CRACD: variants seen among roughly 807,000 people sequenced by gnomAD.
CRACD encodes the protein capping protein inhibiting regulator of actin dynamics.
Under a neutral mutation model 106.8 loss-of-function variants are expected in CRACD, and 56 were observed. The ratio of observed to expected loss-of-function variants is 0.52; its 90% CI spans 0.42 to 0.66. CRACD has a LOEUF of 0.66. CRACD is among the 30% of genes least tolerant of loss of function. CRACD has a pLI of 0.00. For missense variants in CRACD, 1,730 were observed against 1,623.2 expected, an observed-to-expected ratio of 1.07 and a Z score of -1.13; for synonymous variants, 754 against 670.8, an observed-to-expected ratio of 1.12 and a Z score of -1.92.
At chr4:56,261,837 A>G (rs569026805) in intron 2 of CRACD, among the ~76,000 whole-genome samples, 2 of 152,352 alleles carry the variant, frequency 1.3e-5, no homozygotes, top group Admixed American at 1.3e-4. Context: ...GTCCTTGCCT[A>G]GACCTAGGTT....
At chr4:56,086,566 ACCT>A (rs1340895276) in intron 1 of CRACD, among the ~76,000 whole-genome samples, 2 of 151,876 alleles carry the variant, frequency 1.3e-5, no homozygotes, top group Non-Finnish European at 2.9e-5. Context: ...TACCCCGGAC[ACCT>A]CCTTCACTTT....
intron 3 of CRACD, among the ~76,000 whole-genome samples, chr4:56,286,061 A>C (rs1458890924): frequency 2.0e-5 from 3 of 152,106 alleles, no homozygotes; most frequent in Non-Finnish European, 4.4e-5. Flanking sequence ...ATGGGAAAAC[A>C]CCAGTGGTTT....
At chr4:56,274,205 G>A (rs1490579486) in intron 3 of CRACD, among the ~76,000 whole-genome samples, 3 of 152,220 alleles carry the variant, frequency 2.0e-5, no homozygotes, top group Non-Finnish European at 4.4e-5. Flanking sequence ...GTCAAGGAGT[G>A]TGCAGTTTGA....
At chr4:56,094,157 G>A (rs1733517239) in intron 1 of CRACD, among the ~76,000 whole-genome samples, 2 of 152,110 alleles carry the variant, frequency 1.3e-5, no homozygotes, top group Admixed American at 1.3e-4. Context: ...TAGTTGAAAG[G>A]AAACTATTCA....
At chr4:56,223,375 A>G (rs73240531) in intron 2 of CRACD, among the ~76,000 whole-genome samples, 1 of 152,148 alleles carries the variant, frequency 6.6e-6, no homozygotes, top group Non-Finnish European at 1.5e-5. Context: ...GTGCTTTCAG[A>G]TTTAGATTAA....
At chr4:56,253,810 A>G (rs910434335) in intron 2 of CRACD, among the ~76,000 whole-genome samples, 1 of 152,210 alleles carries the variant, frequency 6.6e-6, no homozygotes, top group African/African-American at 2.4e-5. Context: ...CATAGCTAAC[A>G]CGTGCATTTC....
chr4:56,142,653 T>C (rs1173853914), intron 1 of CRACD, among the ~76,000 whole-genome samples: 1 of 152,200 alleles, frequency 6.6e-6, no homozygotes. Context: ...TAACATTTTC[T>C]TTTAGTATTC....
chr4:56,310,806 T>C (rs1745113149), intron 6 of CRACD, 72 bp downstream of exon 6: 1 of 888,210 alleles, frequency 1.1e-6, no homozygotes, highest in African/African-American at 1.7e-5. Context: ...CCCTTTTTTT[T>C]TTTTGCGACC....
chr4:56,307,213 A>G (rs1744784862), intron 4 of CRACD, among the ~76,000 whole-genome samples: 2 of 152,180 alleles, frequency 1.3e-5, no homozygotes, highest in Admixed American at 1.3e-4. Context: ...AATTTTTGTC[A>G]TAACATATAT....
intron 1 of CRACD, among the ~76,000 whole-genome samples, chr4:56,139,395 C>A (rs562411708): frequency 6.6e-6 from 1 of 152,000 alleles, no homozygotes; most frequent in Non-Finnish European, 1.5e-5. Context: ...CTGTCTTTTT[C>A]ATTGCTACTT....
At chr4:56,142,363 A>AT (rs948396365) in intron 1 of CRACD, among the ~76,000 whole-genome samples, 55 of 151,986 alleles carry the variant, frequency 3.6e-4, no homozygotes, top group African/African-American at 1.2e-3. Context: ...CTTTGTCTTT[A>AT]TTTTTTTGTG....
chr4:56,187,434 A>G (rs1737135598), intron 2 of CRACD, among the ~76,000 whole-genome samples: 1 of 152,118 alleles, frequency 6.6e-6, no homozygotes, highest in South Asian at 2.1e-4. Flanking sequence ...GGATCCTCTA[A>G]ATCCTGTCGT....
chr4:56,050,791 C>T (rs1731849542), intron 1 of CRACD, among the ~76,000 whole-genome samples: 1 of 152,210 alleles, frequency 6.6e-6, no homozygotes, highest in South Asian at 2.1e-4. Flanking sequence ...GCCCTTTCCA[C>T]TGTTGATTAT....
intron 4 of CRACD, among the ~76,000 whole-genome samples, chr4:56,305,138 T>C (rs998013508): frequency 1.3e-5 from 2 of 152,106 alleles, no homozygotes; most frequent in Non-Finnish European, 2.9e-5. Flanking sequence ...GGAGGATCAC[T>C]TGAGCCCAGG....
chr4:56,221,569 A>G (rs1026867178), intron 2 of CRACD, among the ~76,000 whole-genome samples: 1 of 152,156 alleles, frequency 6.6e-6, no homozygotes, highest in African/African-American at 2.4e-5. Flanking sequence ...TAAACAGACA[A>G]CCCACAGAAT....
At chr4:56,266,588 A>G (rs1317597324) in intron 2 of CRACD, among the ~76,000 whole-genome samples, 1 of 152,252 alleles carries the variant, frequency 6.6e-6, no homozygotes, top group African/African-American at 2.4e-5. Context: ...AATATTTCCC[A>G]TTAGCATTGC....
At chr4:56,272,603 C>G (rs1742421991) in intron 3 of CRACD, 111 bp downstream of exon 3, 1 of 152,390 alleles carries the variant, frequency 6.6e-6, no homozygotes, top group Non-Finnish European at 1.5e-5. Context: ...AACAGAATCC[C>G]AAACGGGGCA....
At chr4:56,088,132 CTT>C (rs11305512) in intron 1 of CRACD, among the ~76,000 whole-genome samples, 3,575 of 131,918 alleles carry the variant, frequency 0.027, 58 homozygotes, top group Admixed American at 0.065. Context: ...TAGATTGTTT[CTT>C]TTTTTTTTTT....
rs377044515 is a variant in CRACD at position 56,074,696 on chromosome 4, T to A, written c.-336+25397T>A. On this transcript the variant is annotated intron_variant, in intron 1 of 10. Transcript: ENST00000682029. ...CCATTATTTCTTTCTCTTGCCTGAT[T>A]GCCGTGGCTGGAACTTCAATACTAT... Among the ~76,000 whole-genome samples the A allele has an allele frequency of 1.1e-3, 165 of 152,304 alleles. 2 individuals are homozygous for A. The South Asian group carries it at 0.033, about 30-fold the overall frequency.
Sources: gnomAD v4.1 joint callset for allele counts (sites outside exome capture counted in the v4.1 genomes callset) on GRCh38, gnomAD v4.1.1 for gene constraint, MANE v1.5 for transcripts, NCBI Gene and HGNC (gene_info 2026-07-23, HGNC 2026-07-21) for gene names.